CCT5: variants seen among roughly 807,000 people sequenced by gnomAD.
CCT5 encodes chaperonin containing TCP1 subunit 5.
Under a neutral mutation model 55.0 loss-of-function variants are expected in CCT5, and 6 were observed. That is an observed-to-expected ratio of 0.11 (90% CI 0.06 to 0.22). The LOEUF (loss-of-function observed/expected upper bound fraction) is 0.22. Ranked by LOEUF, CCT5 falls within the 10% of genes least tolerant of loss-of-function variation. The pLI is 1.00. For missense variants in CCT5, 560 were observed against 694.6 expected (o/e 0.81, Z 2.18); for synonymous variants, 231 against 243.7 (o/e 0.95, Z 0.49).
chr5:10,264,760 A>G lies in CCT5; in HGVS notation c.1603A>G (p.Lys535Glu). 3 of 1,610,400 alleles carry G rather than the reference A, an allele frequency of 1.9e-6. No individual in the cohort carries two copies. Among genetic ancestry groups the G allele is most frequent in the Non-Finnish European group, 2.5e-6 (3 of 1,176,564 alleles). The change falls in exon 11 of 11, where the codon AAG becomes GAG. Residue 535 changes from lysine (K) to glutamate (E), a missense_variant. By Grantham distance (56) the Lys-to-Glu change is moderately conservative. This residue lies in a region of CCT5 where 115 missense variants were observed against 105.0 expected (regional missense o/e 1.10). Transcript: ENST00000280326. ...RMILKIDDIR[K>E]PGESEE ...GATTTTGAAGATTGATGACATTCGT[A>G]AGCCTGGAGAATCTGAAGAATGAAG...
chr5:10,256,190 G>T (rs767243014), intron 4 of CCT5, 37 bp downstream of exon 4: 32 of 1,566,074 alleles, frequency 2.0e-5, no homozygotes, highest in Non-Finnish European at 2.6e-5. Flanking sequence ...CCCATTTGTA[G>T]AGGAGGCAGT....
chr5:10,262,288 T>C, intron 8 of CCT5, 193 bp from the exon 9 acceptor site: 1 of 630,756 alleles, frequency 1.6e-6, no homozygotes, highest in Non-Finnish European at 2.8e-6. Context: ...AATGAGTCAC[T>C]GGCCGCCTCT....
Position 10,254,406 on chromosome 5 carries a change from T to TTTTTG in CCT5, c.166+204_166+205insTGTTT. The TTTTTG allele has an allele frequency of 1.6e-5, 10 of 608,386 alleles. No homozygotes were observed. The East Asian group carries it at 2.2e-4, about 13-fold the overall frequency. The allele number at this position is 608,386 out of a possible 1,614,324, so 37.7% of individuals were successfully genotyped here. On this transcript the variant is annotated intron_variant, in intron 2 of 10. Coordinates refer to ENST00000280326, the MANE Select transcript of CCT5 (RefSeq NM_012073.5). ...TTAGGTCGGACCTTTTTTTTTTTTT[T>TTTTTG]TTTAGCATGTAACATCATTTCATTA... is the stretch of plus-strand genomic sequence containing the variant.
intron 10 of CCT5, among the ~76,000 whole-genome samples, chr5:10,264,128 C>G (rs1204411605): frequency 6.6e-6 from 1 of 152,004 alleles, no homozygotes; most frequent in Non-Finnish European, 1.5e-5. Context: ...CAAAATTAGC[C>G]AGGCCTGGTC....
rs760769482 is a variant in CCT5 at position 10,264,645 on chromosome 5, G to T, written c.1499-11G>T. 5.7e-6 allele frequency: 9 copies of T among 1,572,694 alleles called. No individual in the cohort carries two copies. The highest frequency in any genetic ancestry group is 7.9e-6 in the Non-Finnish European group (9 of 1,142,450). On this transcript the variant is annotated splice_polypyrimidine_tract_variant and intron_variant, in intron 10 of 10. Coordinates refer to ENST00000280326, the MANE Select transcript of CCT5 (RefSeq NM_012073.5). ...CTATTTTAGGATAATCAGTGTCCTTGTATTTTTCAGATATGAAGCAACAGC... is the reference window on the plus strand; with the variant it reads ...CTATTTTAGGATAATCAGTGTCCTTTTATTTTTCAGATATGAAGCAACAGC...
chr5:10,259,846 C>G (rs1197608726), intron 6 of CCT5, among the ~76,000 whole-genome samples: 1 of 152,048 alleles, frequency 6.6e-6, no homozygotes, highest in Admixed American at 6.6e-5. Context: ...GCTGGTGAGG[C>G]GCAGGTTGCT....
At chr5:10,260,506 TC>T (rs1351242117) in intron 6 of CCT5, among the ~76,000 whole-genome samples, 1 of 151,630 alleles carries the variant, frequency 6.6e-6, no homozygotes, top group Non-Finnish European at 1.5e-5. Context: ...TGTTGACGTT[TC>T]TGTGGGTTTT....
Position 10,256,548 on chromosome 5 carries a change from G to A in CCT5, c.530+395G>A, listed in dbSNP as rs545836342. On this transcript the variant is annotated intron_variant, in intron 4 of 10. Transcript: ENST00000280326. ...CAGGGCAATGTAGTGGGACCCCATC[G>A]CTACAAAACAAAAAACTAGCCAGGC... Among the ~76,000 whole-genome samples, 33 of 152,072 alleles carry A rather than the reference G, an allele frequency of 2.2e-4. No homozygotes were observed. The South Asian group carries it at 5.4e-3, about 25-fold the overall frequency.
At chr5:10,251,845 A>C (rs1745436937) in intron 1 of CCT5, among the ~76,000 whole-genome samples, 1 of 152,262 alleles carries the variant, frequency 6.6e-6, no homozygotes, top group African/African-American at 2.4e-5. Context: ...TCCAATACAC[A>C]CACCTGGTGT....
In CCT5 at chr5:10,264,778, G is replaced by C. The variant is rs1415629872; in HGVS notation, c.1621G>C (p.Glu541Gln). 6.2e-7 allele frequency: 1 copy of C among 1,611,156 alleles called. No homozygotes were observed. The highest frequency in any genetic ancestry group is 8.5e-7 in the Non-Finnish European group (1 of 1,177,252). The part of the protein sequence containing the change: ...DDIRKPGESE[E>Q] ...CATTCGTAAGCCTGGAGAATCTGAA[G>C]AATGAAGACATTGAGAAAACTATGT... The change falls in exon 11 of 11, where the codon GAA becomes CAA. Residue 541 changes from glutamate to glutamine, a missense_variant. Glu to Gln is a conservative substitution (Grantham distance 29). Around this residue, in one of 4 missense-constraint regions of CCT5, gnomAD observed 115 missense variants for 105.0 expected, o/e 1.10. Coordinates refer to ENST00000280326, the MANE Select transcript of CCT5 (RefSeq NM_012073.5).
At chr5:10,254,533 G>T (rs1745582683) in intron 2 of CCT5, 141 bp from the exon 3 acceptor site, 1 of 757,370 alleles carries the variant, frequency 1.3e-6, no homozygotes, top group African/African-American at 1.7e-5. Context: ...ATGCCTTCAT[G>T]CAGCTACTAT....
In CCT5 at chr5:10,261,603, C is replaced by T; in HGVS notation, c.1037C>T (p.Ser346Leu). The T allele has an allele frequency of 1.2e-6, 2 of 1,614,176 alleles. No homozygotes were observed. The highest frequency in any genetic ancestry group is 1.3e-5 in the African/African-American group (1 of 75,036). Residue 346 changes from serine to leucine, a missense_variant, in exon 8 of 11, where the codon TCA (serine) becomes TTA (leucine). Transcript: ENST00000280326. Reference sequence around the variant, plus strand: ...GGAGGGCGGATCGTCCCCAGGTTCTCAGAGCTCACAGCCGAGAAGCTGGGC... The same window carrying T: ...GGAGGGCGGATCGTCCCCAGGTTCTTAGAGCTCACAGCCGAGAAGCTGGGC... ...ATGGRIVPRF[S>L]ELTAEKLGFA...
At position 10,258,635 on chromosome 5, in the gene CCT5, A is replaced by G; in HGVS notation, c.873+100A>G. 3 of 1,175,020 alleles carry G rather than the reference A, an allele frequency of 2.6e-6. No homozygotes were observed. The Admixed American group carries it at 5.3e-5, about 21-fold the overall frequency. 72.8% of individuals were successfully genotyped at this position (1,175,020 alleles called of 1,614,324 possible). On this transcript the variant is annotated intron_variant, in intron 6 of 10. Transcript: ENST00000280326. ...TGTGTAGTCTTTCTTCAGTTCTAAAACATACACAGGAAAAAACCAAATTGC... is the reference window on the plus strand; with the variant it reads ...TGTGTAGTCTTTCTTCAGTTCTAAAGCATACACAGGAAAAAACCAAATTGC...
chr5:10,250,625 C>T (rs1745338854), intron 1 of CCT5, 180 bp downstream of exon 1: 1 of 1,433,348 alleles, frequency 7.0e-7, no homozygotes, highest in African/African-American at 1.4e-5. Context: ...ACGCCGGCGC[C>T]TAATCCTGGG....
intron 1 of CCT5, 129 bp from the exon 2 acceptor site, chr5:10,254,016 C>G (rs1745555684): frequency 1.4e-6 from 1 of 703,048 alleles, no homozygotes; most frequent in Non-Finnish European, 2.6e-6. Flanking sequence ...CTGTCTGTTG[C>G]CCCTTAAATG....
intron 7 of CCT5, 124 bp from the exon 8 acceptor site, chr5:10,261,436 A>C (rs1182699665): frequency 2.2e-6 from 2 of 891,344 alleles, no homozygotes; most frequent in East Asian, 4.8e-5. Context: ...GTCTCGGTCA[A>C]AGTGGGGCAG....
chr5:10,253,301 C>T lies in CCT5; in HGVS notation c.106-844C>T, dbSNP rs745624697. ...CTGAGATCATGCCACTGCACTCCAG[C>T]CTTTTTGAGACACAGCAAGACTGTC... is the stretch of plus-strand genomic sequence containing the variant. On this transcript the variant is annotated intron_variant, in intron 1 of 10. Transcript: ENST00000280326. Among the ~76,000 whole-genome samples, 19 of 149,188 alleles carry T rather than the reference C, an allele frequency of 1.3e-4. No individual in the cohort carries two copies. The East Asian group carries it at 3.8e-3, about 30-fold the overall frequency.
chr5:10,251,046 G>A (rs1177118576), intron 1 of CCT5, among the ~76,000 whole-genome samples: 3 of 152,242 alleles, frequency 2.0e-5, no homozygotes, highest in Admixed American at 6.5e-5. Context: ...ACATAAGCGT[G>A]GTGCTGGAGG....
intron 6 of CCT5, 140 bp downstream of exon 6, chr5:10,258,675 A>G (rs1745801999): frequency 1.3e-6 from 1 of 781,530 alleles, no homozygotes; most frequent in Non-Finnish European, 2.2e-6. Flanking sequence ...AAAGGCATAA[A>G]CAGGGAAGAA....
Sources: allele counts gnomAD v4.1 joint callset (sites outside exome capture counted in the v4.1 genomes callset), GRCh38; gene constraint gnomAD v4.1.1; regional missense constraint gnomAD v4.1.1; transcripts MANE v1.5; gene names NCBI Gene and HGNC (gene_info 2026-07-23, HGNC 2026-07-21).